The following SDK1 variants were observed in gnomAD, a reference collection of about 807,000 sequenced individuals.
SDK1 encodes sidekick cell adhesion molecule 1, also known as protein sidekick-1.
Under a neutral mutation model 245.5 loss-of-function variants are expected in SDK1, and 157 were observed. The observed-to-expected ratio is 0.64, with a 90% CI of 0.56 to 0.73. The LOEUF (loss-of-function observed/expected upper bound fraction) is 0.73. Ranked by LOEUF, SDK1 falls within the 30% of genes least tolerant of loss-of-function variation. The pLI is 0.00. For missense variants in SDK1, 3,583 were observed against 3,002.3 expected, an observed-to-expected ratio of 1.19 and a Z score of -4.52; for synonymous variants, 1,647 against 1,278.5, an observed-to-expected ratio of 1.29 and a Z score of -6.15.
chr7:3,611,517 G>C (rs1047863011), intron 1 of SDK1, among the ~76,000 whole-genome samples: 81 of 152,206 alleles, frequency 5.3e-4, no homozygotes, highest in African/African-American at 1.8e-3. Context: ...AACAATCATA[G>C]GTCTCTTTTT....
intron 1 of SDK1, among the ~76,000 whole-genome samples, chr7:3,554,267 G>A (rs1477788839): frequency 6.6e-6 from 1 of 152,098 alleles, no homozygotes; most frequent in Admixed American, 6.5e-5. Flanking sequence ...TCGTAGTGGA[G>A]TCTATTAGAA....
intron 4 of SDK1, among the ~76,000 whole-genome samples, chr7:3,789,386 G>A (rs1193105349): frequency 6.6e-6 from 1 of 152,212 alleles, no homozygotes; most frequent in Non-Finnish European, 1.5e-5. Context: ...GACCTCAGGT[G>A]ATCCACTCGC....
At chr7:3,571,477 AT>A (rs1283525165) in intron 1 of SDK1, among the ~76,000 whole-genome samples, 1 of 151,636 alleles carries the variant, frequency 6.6e-6, no homozygotes, top group African/African-American at 2.4e-5. Flanking sequence ...TAATTTAAAA[AT>A]TTTTTTTGTA....
At chr7:3,501,911 C>G (rs1194231658) in intron 1 of SDK1, among the ~76,000 whole-genome samples, 2 of 152,176 alleles carry the variant, frequency 1.3e-5, no homozygotes, top group Admixed American at 6.5e-5. Context: ...CTATTTGATT[C>G]TTATTCTTGG....
chr7:3,615,406 G>A (rs189082223), intron 1 of SDK1, among the ~76,000 whole-genome samples: 3 of 151,684 alleles, frequency 2.0e-5, no homozygotes, highest in South Asian at 2.1e-4. Flanking sequence ...ACAGCTTAAC[G>A]CATGTCAGTT....
chr7:4,007,634 T>C (rs1785587384), intron 14 of SDK1, among the ~76,000 whole-genome samples: 1 of 152,160 alleles, frequency 6.6e-6, no homozygotes, highest in Non-Finnish European at 1.5e-5. Context: ...AGACAGAGTC[T>C]TGCTCTGTCG....
At chr7:4,025,438 C>A (rs1274342782) in intron 17 of SDK1, among the ~76,000 whole-genome samples, 10 of 152,182 alleles carry the variant, frequency 6.6e-5, no homozygotes, top group Admixed American at 5.9e-4. Flanking sequence ...GGTTTAGCAT[C>A]TGTATCGGTG....
chr7:4,172,447 C>T (rs1781905619), intron 32 of SDK1, among the ~76,000 whole-genome samples: 1 of 152,220 alleles, frequency 6.6e-6, no homozygotes, highest in Non-Finnish European at 1.5e-5. Context: ...GCAAAGAACA[C>T]CGCTTCCTCC....
chr7:3,991,776 C>T (rs888040557), intron 14 of SDK1, among the ~76,000 whole-genome samples: 1 of 152,208 alleles, frequency 6.6e-6, no homozygotes, highest in Non-Finnish European at 1.5e-5. Flanking sequence ...AGCCCGTGAC[C>T]TTGGCTGAAG....
chr7:3,547,884 G>C (rs1367672584), intron 1 of SDK1, among the ~76,000 whole-genome samples: 9 of 152,178 alleles, frequency 5.9e-5, no homozygotes, highest in African/African-American at 2.2e-4. Context: ...CTGCTTCTTA[G>C]AATCTTCCCT....
At chr7:3,465,716 C>T (rs948047441) in intron 1 of SDK1, among the ~76,000 whole-genome samples, 1 of 152,122 alleles carries the variant, frequency 6.6e-6, no homozygotes, top group Non-Finnish European at 1.5e-5. Flanking sequence ...AGGCGCGTGT[C>T]TGGGAAGGTG....
chr7:3,362,478 G>T (rs933949594), intron 1 of SDK1, among the ~76,000 whole-genome samples: 4 of 151,886 alleles, frequency 2.6e-5, no homozygotes, highest in African/African-American at 9.7e-5. Flanking sequence ...ATAATTCTTG[G>T]ATTTACCATA....
At chr7:3,675,501 G>A (rs549904795) in intron 4 of SDK1, among the ~76,000 whole-genome samples, 1 of 152,158 alleles carries the variant, frequency 6.6e-6, no homozygotes, top group African/African-American at 2.4e-5. Context: ...TACTTAAAGT[G>A]GCCTACAAAA....
Position 3,967,555 on chromosome 7 carries a change from A to T in SDK1, c.1546+121A>T, listed in dbSNP as rs183925713. 594 of 684,702 alleles carry T rather than the reference A, an allele frequency of 8.7e-4. 4 individuals carry two copies. Among genetic ancestry groups the T allele is most frequent in the South Asian group, 3.7e-3 (203 of 54,440 alleles). 42.4% of individuals were successfully genotyped at this position (684,702 alleles called of 1,614,324 possible). On this transcript the variant is annotated intron_variant, in intron 10 of 44. Coordinates refer to ENST00000404826, the MANE Select transcript of SDK1 (RefSeq NM_152744.4). ...TTATGCATTCACTCAATGAAGATTA[A>T]ATAACTCTTATTGCAGCAGTCCCCA...
chr7:4,101,143 A>G (rs996517345), intron 22 of SDK1, among the ~76,000 whole-genome samples: 1 of 146,412 alleles, frequency 6.8e-6, no homozygotes, highest in African/African-American at 2.5e-5. Flanking sequence ...TAGCAAGGAC[A>G]CTTGCATTTT....
chr7:3,996,170 A>G lies in SDK1; in HGVS notation c.2131+8848A>G, dbSNP rs138839997. Among the ~76,000 whole-genome samples the G allele has an allele frequency of 3.6e-3, 542 of 152,264 alleles. 3 individuals carry two copies. Among genetic ancestry groups the G allele is most frequent in the African/African-American group, 0.012 (514 of 41,558 alleles). ...GATTTATTAAATAATCTATTTATTTATGGTGTCTCCCTCTTTTTATATTCA... is the reference window on the plus strand; with the variant it reads ...GATTTATTAAATAATCTATTTATTTGTGGTGTCTCCCTCTTTTTATATTCA... On this transcript the variant is annotated intron_variant, in intron 14 of 44. Transcript: ENST00000404826.
intron 32 of SDK1, among the ~76,000 whole-genome samples, chr7:4,165,215 C>G (rs573018860): frequency 6.6e-6 from 1 of 151,904 alleles, no homozygotes; most frequent in Non-Finnish European, 1.5e-5. Flanking sequence ...AAAAATTAGC[C>G]GGGCGTGGTG....
intron 4 of SDK1, among the ~76,000 whole-genome samples, chr7:3,660,970 A>G (rs896973349): frequency 5.9e-5 from 9 of 152,192 alleles, no homozygotes; most frequent in Non-Finnish European, 1.5e-5. Flanking sequence ...TGAGTGAAGC[A>G]ATTTTGAGAA....
chr7:3,716,319 T>C (rs1039066526), intron 4 of SDK1, among the ~76,000 whole-genome samples: 1 of 151,810 alleles, frequency 6.6e-6, no homozygotes, highest in African/African-American at 2.4e-5. Context: ...TGAATCACAA[T>C]AGACCCTAAG....
Sources: gnomAD v4.1 joint callset for allele counts (sites outside exome capture counted in the v4.1 genomes callset) on GRCh38, gnomAD v4.1.1 for gene constraint, MANE v1.5 for transcripts, NCBI Gene and HGNC (gene_info 2026-07-23, HGNC 2026-07-21) for gene names.